The following GFPT1 variants were observed in gnomAD, a reference collection of about 807,000 sequenced individuals.
The protein encoded by GFPT1 is glutamine--fructose-6-phosphate aminotransferase [isomerizing] 1.
GFPT1 carries 40 observed loss-of-function variants against 92.0 expected under a neutral mutation model. That is an observed-to-expected ratio of 0.43 (90% CI 0.34 to 0.57). The LOEUF is 0.57. Among genes scored for constraint, GFPT1 ranks in the 20% least tolerant of loss-of-function variants. The pLI is 0.02. For missense variants in GFPT1, 448 were observed against 869.1 expected (o/e 0.52, Z 6.09); for synonymous variants, 269 against 280.6 (o/e 0.96, Z 0.41).
rs1553390600 is a variant in GFPT1, at chr2:69,354,258, CCT to C, written c.738_739del (p.Gly247GlnfsTer33). ...CCATCCATGCAGAGTGCATTTCCCA[CCT>C]CTTTCTCCCTGTGATCCCCACCGTG... On this transcript the variant is annotated frameshift_variant and splice_region_variant, in exon 9 of 20. Transcript: ENST00000357308. LOFTEE classifies it high-confidence loss of function. 1.3e-6 allele frequency: 2 copies of C among 1,583,280 alleles called. No homozygotes were observed. The highest frequency in any genetic ancestry group is 2.2e-5 in the East Asian group (1 of 44,638).
intron 2 of GFPT1, chr2:69,371,619 C>A (rs963655291): frequency 6.6e-6 from 1 of 151,676 alleles, no homozygotes; most frequent in Admixed American, 6.6e-5. Context: ...GGGCAGATCA[C>A]GAGGTCAGGA....
At chr2:69,375,977 A>G (rs1048098740) in intron 1 of GFPT1, among the ~76,000 whole-genome samples, 57 of 152,220 alleles carry the variant, frequency 3.7e-4, no homozygotes, top group African/African-American at 1.3e-3. Flanking sequence ...ACCAATCTGC[A>G]CCCATTTAAT....
intron 3 of GFPT1, among the ~76,000 whole-genome samples, chr2:69,367,423 C>T (rs530507856): frequency 1.2e-4 from 19 of 152,194 alleles, no homozygotes; most frequent in African/African-American, 2.2e-4. Context: ...TGCAGTGGCA[C>T]GATCTCAGCT....
intron 3 of GFPT1, among the ~76,000 whole-genome samples, chr2:69,368,170 C>T (rs1306212514): frequency 6.6e-6 from 1 of 152,210 alleles, no homozygotes; most frequent in Non-Finnish European, 1.5e-5. Context: ...ATCACGAGGT[C>T]AGGAGATCGA....
At chr2:69,369,038 G>A (rs988725904) in intron 3 of GFPT1, among the ~76,000 whole-genome samples, 1 of 152,114 alleles carries the variant, frequency 6.6e-6, no homozygotes, top group Non-Finnish European at 1.5e-5. Context: ...TCACAGCAAT[G>A]TCTGTTCTCT....
chr2:69,354,075 A>G (rs1051812362), intron 9 of GFPT1, among the ~76,000 whole-genome samples, 184 bp downstream of exon 9: 31 of 152,390 alleles, frequency 2.0e-4, no homozygotes, highest in African/African-American at 6.5e-4. Flanking sequence ...CACTTTCTAA[A>G]TGCCAAAAGC....
Position 69,329,719 on chromosome 2 carries a change from C to T in GFPT1, c.1562G>A (p.Arg521His), listed in dbSNP as rs1670616008. Residue 521 changes from arginine (R) to histidine (H), a missense_variant, in exon 16 of 20, where the codon CGC becomes CAC. By Grantham distance (29) the Arg-to-His change is conservative (BLOSUM62 0). Transcript: ENST00000357308. ...CDDRISMQER[R>H]KEIMLGLKRL... ...TTTCAATCCAAGCATGATCTCTTTG[C>T]GTCTTTCTTGCATGGAGATCCGATC... 11 of 1,612,366 alleles carry T rather than the reference C, an allele frequency of 6.8e-6. No homozygotes were observed. Among genetic ancestry groups the T allele is most frequent in the Non-Finnish European group, 8.5e-6 (10 of 1,178,474 alleles).
At chr2:69,326,304 A>T in intron 19 of GFPT1, 71 bp from the exon 20 acceptor site, 4 of 922,688 alleles carry the variant, frequency 4.3e-6, no homozygotes, top group Non-Finnish European at 5.2e-6. Context: ...TGGTTACTAT[A>T]AGCAAATTAT....
At chr2:69,373,533 T>C (rs966829432) in intron 2 of GFPT1, among the ~76,000 whole-genome samples, 5 of 151,908 alleles carry the variant, frequency 3.3e-5, no homozygotes, top group South Asian at 2.1e-4. Context: ...GGAGGGAGGA[T>C]TGCCTGAGCC....
At chr2:69,363,410 G>T in intron 4 of GFPT1, 135 bp downstream of exon 4, 1 of 916,520 alleles carries the variant, frequency 1.1e-6, no homozygotes, top group Non-Finnish European at 1.7e-6. Flanking sequence ...AGCTCCATAT[G>T]CTCTCTACTA....
At chr2:69,376,268 GGAA>G (rs1331184382) in intron 1 of GFPT1, among the ~76,000 whole-genome samples, 1 of 152,126 alleles carries the variant, frequency 6.6e-6, no homozygotes, top group African/African-American at 2.4e-5. Context: ...CCCAACTTTG[GGAA>G]GCTAAGGCAG....
chr2:69,348,277 T>G lies in GFPT1; in HGVS notation c.903A>C (p.Ala301=). The G allele has an allele frequency of 1.2e-6, 2 of 1,613,146 alleles. No homozygotes were observed. The highest frequency in any genetic ancestry group is 1.7e-6 in the Non-Finnish European group (2 of 1,179,052). The change falls in exon 11 of 20, where the codon GCA becomes GCC. Residue 301 remains alanine, a synonymous_variant. Transcript: ENST00000357308. The part of the protein sequence containing the change: ...VIFLEDDDVA[A]VVDGRLSIHR... Reference sequence around the variant, plus strand: ...GGATAGAAAGACGTCCATCCACTACTGCTGCAACATCATCATCTTCCAGAA... The same window carrying G: ...GGATAGAAAGACGTCCATCCACTACGGCTGCAACATCATCATCTTCCAGAA...
intron 1 of GFPT1, 149 bp from the exon 2 acceptor site, chr2:69,374,262 G>T: frequency 1.9e-6 from 1 of 515,606 alleles, no homozygotes; most frequent in Non-Finnish European, 3.5e-6. Context: ...TTTCAAGGGG[G>T]AGTTTCTCAT....
intron 1 of GFPT1, among the ~76,000 whole-genome samples, chr2:69,374,420 T>G (rs1256824645): frequency 2.0e-5 from 3 of 151,982 alleles, no homozygotes; most frequent in Non-Finnish European, 4.4e-5. Context: ...TTCACACCAT[T>G]CTCCTGCCTC....
chr2:69,364,636 G>A (rs35392088), intron 3 of GFPT1, among the ~76,000 whole-genome samples: 3,868 of 152,292 alleles, frequency 0.025, 65 homozygotes, highest in Non-Finnish European at 0.037. Flanking sequence ...TTTAAGAACC[G>A]AGCAATGCTA....
chr2:69,364,903 G>A (rs1002087805), intron 3 of GFPT1, among the ~76,000 whole-genome samples: 2 of 140,834 alleles, frequency 1.4e-5, no homozygotes, highest in Non-Finnish European at 3.0e-5. Flanking sequence ...GTTGAGGCAG[G>A]AGAATCGCTT....
chr2:69,366,090 AG>A (rs1671603737), intron 3 of GFPT1, among the ~76,000 whole-genome samples: 1 of 152,212 alleles, frequency 6.6e-6, no homozygotes, highest in Non-Finnish European at 1.5e-5. Flanking sequence ...CTGGGATTAC[AG>A]GCGTGAGCCA....
chr2:69,337,107 C>A (rs930303681), intron 15 of GFPT1, among the ~76,000 whole-genome samples: 1 of 144,580 alleles, frequency 6.9e-6, no homozygotes, highest in African/African-American at 2.6e-5. Context: ...CTCTGTCACC[C>A]AGACTGGAGT....
At chr2:69,343,026 C>A (rs1168510027) in intron 12 of GFPT1, among the ~76,000 whole-genome samples, 1 of 152,172 alleles carries the variant, frequency 6.6e-6, no homozygotes, top group East Asian at 1.9e-4. Context: ...CTGGAGTCTG[C>A]TCTCCATATG....
Sources: gnomAD v4.1 joint callset for allele counts (sites outside exome capture counted in the v4.1 genomes callset) on GRCh38, gnomAD v4.1.1 for gene constraint, MANE v1.5 for transcripts, NCBI Gene and HGNC (gene_info 2026-07-23, HGNC 2026-07-21) for gene names.